Variants in TUSC3 observed in about 807,000 individuals in gnomAD.
The protein encoded by TUSC3 is dolichyl-diphosphooligosaccharide--protein glycosyltransferase subunit TUSC3.
A neutral mutation model predicts 44.8 loss-of-function variants in TUSC3; 45 were observed. That is an observed-to-expected ratio of 1.00 (90% CI 0.79 to 1.29). The LOEUF is 1.29. Among genes scored for constraint, TUSC3 ranks in the 50% most tolerant of loss-of-function variants. The pLI is 0.00. For missense variants in TUSC3, 519 were observed against 437.9 expected (o/e 1.19, Z -1.65); for synonymous variants, 212 against 152.9 (o/e 1.39, Z -2.85).
intron 2 of TUSC3, among the ~76,000 whole-genome samples, chr8:15,528,156 G>A (rs1403134752): frequency 6.6e-6 from 1 of 151,616 alleles, no homozygotes; most frequent in Non-Finnish European, 1.5e-5. Context: ...CACAATTTTG[G>A]TACTATAAAA....
At chr8:15,803,567 T>G in the TUSC3 span, among the ~76,000 whole-genome samples, 1 of 152,182 alleles carries the variant, frequency 6.6e-6, no homozygotes, top group Admixed American at 6.5e-5. Flanking sequence ...TATTTTACCT[T>G]AAGTTCTGGG....
the TUSC3 span, among the ~76,000 whole-genome samples, chr8:15,774,900 T>C: frequency 1.3e-5 from 2 of 152,136 alleles, no homozygotes; most frequent in South Asian, 4.1e-4. Context: ...ATTGGCCACT[T>C]TGGAAACAAA....
chr8:15,721,488 A>G (rs1359280928), intron 6 of TUSC3, among the ~76,000 whole-genome samples: 1 of 152,076 alleles, frequency 6.6e-6, no homozygotes, highest in Admixed American at 6.6e-5. Flanking sequence ...CAGAGATTAT[A>G]CTTTTCATAT....
intron 2 of TUSC3, among the ~76,000 whole-genome samples, chr8:15,522,236 G>GTTTT (rs539662664): frequency 6.9e-6 from 1 of 145,472 alleles, no homozygotes. Flanking sequence ...TCAGCCCTTT[G>GTTTT]TTTTTTTTTT....
At chr8:15,737,994 C>T (rs528090486) in intron 7 of TUSC3, among the ~76,000 whole-genome samples, 36 of 152,068 alleles carry the variant, frequency 2.4e-4, no homozygotes, top group Non-Finnish European at 4.4e-4. Context: ...CTCCTAAAGG[C>T]CTTGAGTTAA....
At chr8:15,589,780 A>C (rs192159300) in intron 1 of TUSC3, among the ~76,000 whole-genome samples, 46 of 152,312 alleles carry the variant, frequency 3.0e-4, no homozygotes, top group East Asian at 1.9e-4. Context: ...CAACTTAAGT[A>C]ATATAGTCAG....
At chr8:15,553,297 C>A (rs1448965338) in intron 1 of TUSC3, among the ~76,000 whole-genome samples, 1 of 151,636 alleles carries the variant, frequency 6.6e-6, no homozygotes, top group Non-Finnish European at 1.5e-5. Flanking sequence ...AGAGCACTTA[C>A]AGTAAAAAAT....
chr8:15,617,138 ATTTTT>A lies in TUSC3; in HGVS notation c.139-5927_139-5923del, dbSNP rs71211064. Among the ~76,000 whole-genome samples, 39 of 88,908 alleles carry A rather than the reference ATTTTT, an allele frequency of 4.4e-4. 1 individual carries two copies. The highest frequency in any genetic ancestry group is 3.5e-4 in the Admixed American group (3 of 8,564). The allele number at this position is 88,908 out of a possible 152,430, so 58.3% of individuals were successfully genotyped here. A position where few individuals can be genotyped will look rare whatever the true frequency, so the allele number is the denominator to read the frequency against. ...CTGTAAAATGTGTGTGTGTGTATAT[ATTTTT>A]TTTTTTTTTTTTTTGAGACAGAGTC... On this transcript the variant is annotated intron_variant, in intron 1 of 10. Coordinates refer to ENST00000503731, the MANE Select transcript of TUSC3 (RefSeq NM_006765.4).
intron 2 of TUSC3, among the ~76,000 whole-genome samples, chr8:15,484,269 T>A (rs1800707155): frequency 6.6e-6 from 1 of 152,256 alleles, no homozygotes; most frequent in African/African-American, 2.4e-5. Context: ...TTAACTCAAA[T>A]GTCCACTCTG....
the TUSC3 span, among the ~76,000 whole-genome samples, chr8:15,823,353 G>C: frequency 6.6e-6 from 1 of 152,058 alleles, no homozygotes; most frequent in Non-Finnish European, 1.5e-5. Context: ...GTGAATTAAA[G>C]ACTGTGGACT....
intron 10 of TUSC3, among the ~76,000 whole-genome samples, chr8:15,759,878 C>T (rs1812098867): frequency 6.6e-6 from 1 of 152,170 alleles, no homozygotes; most frequent in African/African-American, 2.4e-5. Flanking sequence ...TTTTCCCCGA[C>T]ACTGTCATTG....
At chr8:15,755,250 T>C (rs1184379715) in intron 9 of TUSC3, among the ~76,000 whole-genome samples, 10 of 152,252 alleles carry the variant, frequency 6.6e-5, no homozygotes, top group African/African-American at 2.4e-4. Flanking sequence ...TGGAGATGAT[T>C]TGTCATATGT....
At chr8:15,467,113 A>G (rs530640123) in intron 1 of TUSC3, among the ~76,000 whole-genome samples, 6 of 152,166 alleles carry the variant, frequency 3.9e-5, no homozygotes, top group Non-Finnish European at 1.5e-5. Flanking sequence ...AGGATTCAGA[A>G]AGGAGGCATA....
intron 5 of TUSC3, among the ~76,000 whole-genome samples, chr8:15,668,942 A>G (rs999454985): frequency 2.6e-5 from 4 of 151,772 alleles, no homozygotes; most frequent in Admixed American, 2.6e-4. Context: ...TGGTAAATGG[A>G]TAAGTTTCCC....
chr8:15,449,444 A>G (rs911720576), intron 1 of TUSC3, among the ~76,000 whole-genome samples: 3 of 152,148 alleles, frequency 2.0e-5, no homozygotes, highest in Non-Finnish European at 4.4e-5. Context: ...CCACCCCGCC[A>G]TGGCTGGTGG....
chr8:15,747,359 G>C (rs1021114553), intron 8 of TUSC3, among the ~76,000 whole-genome samples: 2 of 151,792 alleles, frequency 1.3e-5, no homozygotes, highest in African/African-American at 2.4e-5. Flanking sequence ...TGAATAAAAG[G>C]TGTATTGTGC....
At chr8:15,706,614 T>A (rs1217199138) in intron 6 of TUSC3, among the ~76,000 whole-genome samples, 1 of 152,032 alleles carries the variant, frequency 6.6e-6, no homozygotes, top group African/African-American at 2.4e-5. Context: ...AACAGTATTA[T>A]CAATTTCGTG....
rs142391701 is a variant in TUSC3 at position 15,494,563 on chromosome 8, C to T, written n.189+11080C>T. Reference sequence around the variant, plus strand: ...CAATCTCTTGACGTCGTGATCTGCACGCCTCAGCTTCCCAAAGTGCTGGGA... The same window carrying T: ...CAATCTCTTGACGTCGTGATCTGCATGCCTCAGCTTCCCAAAGTGCTGGGA... On this transcript the variant is annotated intron_variant and non_coding_transcript_variant, in intron 2 of 5. Transcript: ENST00000503191. Among the ~76,000 whole-genome samples the T allele has an allele frequency of 2.3e-3, 347 of 152,236 alleles. 2 individuals carry two copies. Among genetic ancestry groups the T allele is most frequent in the South Asian group, 0.018 (89 of 4,824 alleles).
intron 2 of TUSC3, among the ~76,000 whole-genome samples, chr8:15,492,580 A>T (rs189895792): frequency 6.6e-6 from 1 of 152,104 alleles, no homozygotes; most frequent in African/African-American, 2.4e-5. Context: ...ACTGGATGAC[A>T]TGGGAGATTT....
Sources: gnomAD v4.1 joint callset for allele counts (sites outside exome capture counted in the v4.1 genomes callset) on GRCh38, gnomAD v4.1.1 for gene constraint, MANE v1.5 for transcripts, NCBI Gene and HGNC (gene_info 2026-07-23, HGNC 2026-07-21) for gene names.